The following DNAH6 variants were observed in gnomAD, a reference collection of about 807,000 sequenced individuals.
The protein encoded by DNAH6 is axonemal beta dynein heavy chain 6.
In DNAH6, 340 loss-of-function variants were observed where a neutral mutation model predicts 491.4. That is an observed-to-expected ratio of 0.69 (90% CI 0.63 to 0.76). The LOEUF (loss-of-function observed/expected upper bound fraction) is 0.76, where lower values mean the gene tolerates loss of function less well. Among genes scored for constraint, DNAH6 ranks in the 30% least tolerant of loss-of-function variants. The probability of loss-of-function intolerance (pLI) is 0.00; values close to 1 mark genes in which losing one functional copy is unlikely to be tolerated. For missense variants in DNAH6, 4,443 were observed against 4,972.2 expected, an observed-to-expected ratio of 0.89 and a Z score of 3.20; for synonymous variants, 1,603 against 1,686.1, an observed-to-expected ratio of 0.95 and a Z score of 1.21.
intron 3 of DNAH6, among the ~76,000 whole-genome samples, chr2:84,526,027 C>T (rs112363960): frequency 3.0e-4 from 46 of 152,042 alleles, no homozygotes; most frequent in African/African-American, 1.1e-3. Context: ...TTGAAATTTT[C>T]ATCATTTTTA....
intron 33 of DNAH6, among the ~76,000 whole-genome samples, chr2:84,646,163 TGTG>T (rs1203097225): frequency 6.6e-6 from 1 of 152,246 alleles, no homozygotes; most frequent in African/African-American, 2.4e-5. Context: ...TATGGTGATC[TGTG>T]ATCATTGATC....
chr2:84,796,882 TAAAG>T (rs1367910535), intron 69 of DNAH6, among the ~76,000 whole-genome samples: 1 of 152,008 alleles, frequency 6.6e-6, no homozygotes, highest in Non-Finnish European at 1.5e-5. Flanking sequence ...TTTAAAAAAA[TAAAG>T]AAAAGAAAAT....
At chr2:84,539,862 A>G (rs1178404226) in intron 4 of DNAH6, among the ~76,000 whole-genome samples, 1 of 152,180 alleles carries the variant, frequency 6.6e-6, no homozygotes, top group Non-Finnish European at 1.5e-5. Context: ...TCAAACCAGA[A>G]GTAAAGCAAG....
At chr2:84,488,487 A>C in the DNAH6 span, among the ~76,000 whole-genome samples, 1 of 152,174 alleles carries the variant, frequency 6.6e-6, no homozygotes, top group Admixed American at 6.5e-5. Flanking sequence ...TCCCTTCTGG[A>C]GGCTCTAGGA....
At chr2:84,590,761 A>G (rs957715773) in intron 16 of DNAH6, among the ~76,000 whole-genome samples, 3 of 152,126 alleles carry the variant, frequency 2.0e-5, no homozygotes, top group African/African-American at 7.2e-5. Flanking sequence ...TTTCACTATA[A>G]TTCCTGCCCC....
chr2:84,779,963 G>A (rs1422583871), intron 64 of DNAH6, among the ~76,000 whole-genome samples: 4 of 152,144 alleles, frequency 2.6e-5, no homozygotes, highest in South Asian at 4.1e-4. Context: ...ATATAGTTCT[G>A]TTATCTCTTC....
chr2:84,774,072 G>A (rs1267226401), intron 64 of DNAH6, among the ~76,000 whole-genome samples: 1 of 151,890 alleles, frequency 6.6e-6, no homozygotes. Flanking sequence ...ACTTAATTTG[G>A]TCCCATATAT....
chr2:84,630,503 A>G (rs971452496), intron 29 of DNAH6, among the ~76,000 whole-genome samples: 29 of 152,092 alleles, frequency 1.9e-4, no homozygotes, highest in African/African-American at 6.3e-4. Flanking sequence ...CAAGAATACA[A>G]TCAGCTAAAT....
chr2:84,606,257 G>C (rs911968377), intron 20 of DNAH6, among the ~76,000 whole-genome samples: 6 of 152,194 alleles, frequency 3.9e-5, no homozygotes, highest in African/African-American at 1.4e-4. Context: ...AGCTTTTCCA[G>C]GTGTAGGTTG....
chr2:84,733,390 G>A (rs1573639103), intron 61 of DNAH6, 54 bp from the exon 62 acceptor site: 1 of 1,489,534 alleles, frequency 6.7e-7, no homozygotes, highest in Non-Finnish European at 9.1e-7. Flanking sequence ...CAAAGTGAAA[G>A]TATATTTTGT....
the DNAH6 span, among the ~76,000 whole-genome samples, chr2:84,495,257 G>T: frequency 4.6e-5 from 7 of 152,162 alleles, no homozygotes; most frequent in African/African-American, 1.7e-4. Context: ...CCACCTCCCG[G>T]GTTCACTCGA....
chr2:84,670,515 C>T, intron 39 of DNAH6, 40 bp downstream of exon 39: 1 of 1,308,962 alleles, frequency 7.6e-7, no homozygotes, highest in Non-Finnish European at 1.1e-6. Context: ...ACAAATTATT[C>T]ATTAAGCTAA....
At chr2:84,662,083 A>G (rs991276987) in intron 37 of DNAH6, among the ~76,000 whole-genome samples, 5 of 152,166 alleles carry the variant, frequency 3.3e-5, no homozygotes, top group Admixed American at 6.5e-5. Flanking sequence ...AAATTTGACA[A>G]AAAAGGTTAT....
intron 9 of DNAH6, 106 bp downstream of exon 9, chr2:84,550,163 G>A: frequency 1.1e-6 from 1 of 928,696 alleles, no homozygotes; most frequent in South Asian, 2.0e-5. Context: ...AAAAAAAAGA[G>A]AAATGCATAG....
chr2:84,812,245 CT>C, intron 72 of DNAH6, 95 bp from the exon 73 acceptor site: 1 of 1,163,518 alleles, frequency 8.6e-7, no homozygotes, highest in Non-Finnish European at 1.2e-6. Context: ...CAACTGGCGC[CT>C]CCAGGCAAGG....
At chr2:84,606,445 C>G (rs1349619257) in intron 20 of DNAH6, among the ~76,000 whole-genome samples, 2 of 151,980 alleles carry the variant, frequency 1.3e-5, no homozygotes, top group African/African-American at 4.8e-5. Flanking sequence ...TTCACATGCT[C>G]CGTGAGAGAT....
chr2:84,786,401 G>A (rs1271440715), intron 67 of DNAH6, among the ~76,000 whole-genome samples: 3 of 149,044 alleles, frequency 2.0e-5, no homozygotes, highest in Admixed American at 6.7e-5. Context: ...CTCTAGCCTG[G>A]GTGACAGAGA....
chr2:84,701,026 T>A, intron 48 of DNAH6, 71 bp from the exon 49 acceptor site: 1 of 1,493,030 alleles, frequency 6.7e-7, no homozygotes, highest in South Asian at 1.3e-5. Context: ...AGAAATATGT[T>A]TTTCTTGGTA....
Position 84,808,460 on chromosome 2 carries a change from A to G in DNAH6, c.11657A>G (p.Asp3886Gly). The change falls in exon 72 of 77, where the codon GAT (aspartate) becomes GGT (glycine). Residue 3886 changes from aspartate to glycine, a missense_variant. Asp to Gly is a moderately conservative substitution (Grantham distance 94). Coordinates refer to ENST00000389394, the MANE Select transcript of DNAH6 (RefSeq NM_001370.2). ...EGASESLFVK[D>G]LQGRLNSLTT... ...GCTTCTGAGAGCCTTTTTGTCAAGG[A>G]TCTTCAAGGACGTCTGAACTCCTTG... 1 of 1,546,142 alleles carries G rather than the reference A, an allele frequency of 6.5e-7. No individual in the cohort carries two copies. Among genetic ancestry groups the G allele is most frequent in the Non-Finnish European group, 8.7e-7 (1 of 1,145,574 alleles).
Sources: gnomAD v4.1 joint callset for allele counts (sites outside exome capture counted in the v4.1 genomes callset) on GRCh38, gnomAD v4.1.1 for gene constraint, MANE v1.5 for transcripts, NCBI Gene and HGNC (gene_info 2026-07-23, HGNC 2026-07-21) for gene names.